The following NDRG3 variants were observed in gnomAD, a reference collection of about 807,000 sequenced individuals.
NDRG3 encodes the protein protein NDRG3.
Under a neutral mutation model 57.2 loss-of-function variants are expected in NDRG3, and 23 were observed. The observed-to-expected ratio is 0.40, with a 90% CI of 0.29 to 0.57. The LOEUF is 0.57. NDRG3 is among the 20% of genes least tolerant of loss of function. The pLI, the probability that NDRG3 is intolerant of heterozygous loss-of-function variation, is 0.42. For synonymous variants in NDRG3, 132 were observed against 162.6 expected, an observed-to-expected ratio of 0.81 and a Z score of 1.43; for missense variants, 384 against 457.3, an observed-to-expected ratio of 0.84 and a Z score of 1.46.
chr20:36,710,585 G>C (rs1423531566), intron 2 of NDRG3, among the ~76,000 whole-genome samples: 4 of 152,134 alleles, frequency 2.6e-5, no homozygotes, highest in Non-Finnish European at 5.9e-5. Context: ...GAGGCGGATA[G>C]ATCATGAGGT....
chr20:36,663,214 T>C (rs1047019231), intron 12 of NDRG3, among the ~76,000 whole-genome samples: 1 of 152,188 alleles, frequency 6.6e-6, no homozygotes, highest in Non-Finnish European at 1.5e-5. Flanking sequence ...AGTCATGCCA[T>C]GTATTTCACA....
chr20:36,686,913 G>C (rs1177548799), intron 5 of NDRG3, among the ~76,000 whole-genome samples: 1 of 152,028 alleles, frequency 6.6e-6, no homozygotes, highest in African/African-American at 2.4e-5. Flanking sequence ...ACAGGGTCTT[G>C]CTCAGTCATC....
intron 1 of NDRG3, among the ~76,000 whole-genome samples, chr20:36,744,981 C>A (rs1036615949): frequency 1.1e-5 from 1 of 87,330 alleles, no homozygotes; most frequent in East Asian, 3.4e-4. Flanking sequence ...GGGGGGGGGG[C>A]GCGGCGGGGG....
At chr20:36,740,028 G>A (rs1369745739) in intron 1 of NDRG3, among the ~76,000 whole-genome samples, 1 of 151,304 alleles carries the variant, frequency 6.6e-6, no homozygotes. Flanking sequence ...GAAAACCCCA[G>A]ACTGTAGACC....
intron 5 of NDRG3, among the ~76,000 whole-genome samples, 157 bp from the exon 6 acceptor site, chr20:36,684,632 C>T (rs1981625350): frequency 6.6e-6 from 1 of 152,138 alleles, no homozygotes; most frequent in Non-Finnish European, 1.5e-5. Flanking sequence ...GGCAGATCAC[C>T]TGAGGTTGGG....
rs186908842 is a variant in NDRG3 at position 36,669,125 on chromosome 20, C to T, written c.588+2216G>A. 2.8e-3 allele frequency among the ~76,000 whole-genome samples: 423 copies of T among 151,728 alleles called. 5 individuals carry two copies. The highest frequency in any genetic ancestry group is 9.7e-3 in the African/African-American group (403 of 41,356). ...ATGCTGGAGTGCAATGGCGCGATCT[C>T]GGCTCAACGCAACCTTCACCTCCTG... On this transcript the variant is annotated intron_variant, in intron 9 of 15. Coordinates refer to ENST00000349004, the MANE Select transcript of NDRG3 (RefSeq NM_032013.4).
rs1427704957 is a variant in NDRG3, at chr20:36,652,110, A to T, written c.*1410T>A. 1 of 152,226 alleles carries T rather than the reference A, an allele frequency of 6.6e-6. No homozygotes were observed. The highest frequency in any genetic ancestry group is 1.9e-4 in the East Asian group (1 of 5,206). The allele number at this position is 152,226 out of a possible 1,614,324, so 9.4% of individuals were successfully genotyped here. On this transcript the variant is annotated 3_prime_UTR_variant, in exon 16 of 16. Transcript: ENST00000349004. ...TTCTCTCCTACAAAAGGGAGTTCAT[A>T]GGATTAACAATCTTTCTAATGGCTG... is the stretch of plus-strand genomic sequence containing the variant.
At chr20:36,714,749 G>A (rs1036063035) in intron 2 of NDRG3, among the ~76,000 whole-genome samples, 2 of 151,380 alleles carry the variant, frequency 1.3e-5, no homozygotes, top group African/African-American at 4.8e-5. Context: ...AAGTAGCTGG[G>A]ACTACAGGCA....
intron 2 of NDRG3, among the ~76,000 whole-genome samples, chr20:36,708,542 A>T (rs1017127416): frequency 6.7e-5 from 10 of 149,290 alleles, no homozygotes; most frequent in Admixed American, 3.4e-4. Context: ...CAGCTACTTG[A>T]GAGGCTGAGG....
At chr20:36,680,962 G>T in intron 7 of NDRG3, 60 bp from the exon 8 acceptor site, 1 of 1,389,556 alleles carries the variant, frequency 7.2e-7, no homozygotes, top group Admixed American at 1.7e-5. Context: ...CTTCTAAACA[G>T]TTGGAACATG....
At chr20:36,732,072 G>A (rs1008383943) in intron 1 of NDRG3, among the ~76,000 whole-genome samples, 3 of 151,996 alleles carry the variant, frequency 2.0e-5, no homozygotes, top group Middle Eastern at 3.2e-3. Flanking sequence ...AGCGAGCCAC[G>A]ACTGCACCGC....
intron 8 of NDRG3, among the ~76,000 whole-genome samples, chr20:36,672,975 G>A (rs116761263): frequency 0.018 from 2,661 of 151,920 alleles, 67 homozygotes; most frequent in African/African-American, 0.061. Context: ...GCGATTTTCC[G>A]GCCTCAGCCA....
intron 1 of NDRG3, among the ~76,000 whole-genome samples, chr20:36,743,186 G>A (rs1415963443): frequency 6.6e-6 from 1 of 152,152 alleles, no homozygotes; most frequent in Non-Finnish European, 1.5e-5. Context: ...CTGCTCAGAA[G>A]TAACAATTTA....
intron 3 of NDRG3, among the ~76,000 whole-genome samples, chr20:36,706,244 G>A (rs1438692781): frequency 1.3e-5 from 2 of 152,118 alleles, no homozygotes; most frequent in African/African-American, 2.4e-5. Context: ...TCTGCATATT[G>A]TATTCATAAC....
At chr20:36,663,537 CAGTG>C (rs1979377006) in intron 12 of NDRG3, among the ~76,000 whole-genome samples, 1 of 152,082 alleles carries the variant, frequency 6.6e-6, no homozygotes, top group South Asian at 2.1e-4. Flanking sequence ...CAAATTAAAA[CAGTG>C]AGATACTATT....
intron 9 of NDRG3, among the ~76,000 whole-genome samples, chr20:36,670,263 C>T (rs1322338442): frequency 6.6e-6 from 1 of 152,036 alleles, no homozygotes; most frequent in African/African-American, 2.4e-5. Context: ...GTGCATTACA[C>T]TGTAAGTATT....
chr20:36,657,979 C>T (rs1978824133), intron 13 of NDRG3, among the ~76,000 whole-genome samples: 1 of 152,170 alleles, frequency 6.6e-6, no homozygotes, highest in African/African-American at 2.4e-5. Flanking sequence ...TCAGTTCAAT[C>T]TGCCATAGGA....
At chr20:36,702,520 G>T (rs1983302177) in intron 3 of NDRG3, among the ~76,000 whole-genome samples, 1 of 151,910 alleles carries the variant, frequency 6.6e-6, no homozygotes, top group South Asian at 2.1e-4. Context: ...TGTTATACAA[G>T]ATTTTTGTTT....
At chr20:36,665,393 G>C (rs946738395) in intron 10 of NDRG3, 92 bp from the exon 11 acceptor site, 1 of 1,139,910 alleles carries the variant, frequency 8.8e-7, no homozygotes, top group Non-Finnish European at 1.3e-6. Context: ...ATTTATCAAG[G>C]AATGCGAAAC....
Sources: allele counts gnomAD v4.1 joint callset (sites outside exome capture counted in the v4.1 genomes callset), GRCh38; gene constraint gnomAD v4.1.1; transcripts MANE v1.5; gene names NCBI Gene and HGNC (gene_info 2026-07-23, HGNC 2026-07-21).